The following PDE4B variants were observed in gnomAD, a reference collection of about 807,000 sequenced individuals.
PDE4B encodes 3',5'-cyclic-AMP phosphodiesterase 4B.
In PDE4B, 20 loss-of-function variants were observed where a neutral mutation model predicts 82.2. The observed-to-expected ratio is 0.24, with a 90% CI of 0.17 to 0.35. PDE4B has a LOEUF of 0.35. PDE4B is among the 10% of genes least tolerant of loss of function. The probability of loss-of-function intolerance (pLI) is 1.00; values close to 1 mark genes in which losing one functional copy is unlikely to be tolerated. For synonymous variants in PDE4B, 320 were observed against 318.9 expected (o/e 1.00, Z -0.04); for missense variants, 655 against 907.2 (o/e 0.72, Z 3.57).
chr1:66,174,144 T>C (rs987408430), intron 3 of PDE4B, among the ~76,000 whole-genome samples: 1 of 152,182 alleles, frequency 6.6e-6, no homozygotes, highest in Non-Finnish European at 1.5e-5. Flanking sequence ...CAGCTAATGG[T>C]GAATTCAGGT....
intron 1 of PDE4B, among the ~76,000 whole-genome samples, chr1:65,880,024 A>G (rs187334657): frequency 5.3e-4 from 81 of 152,316 alleles, no homozygotes; most frequent in Admixed American, 4.6e-3. Flanking sequence ...ATTAATATGC[A>G]TCATGGTTAC....
chr1:65,885,177 G>T (rs1275932602), intron 1 of PDE4B, among the ~76,000 whole-genome samples: 2 of 152,150 alleles, frequency 1.3e-5, no homozygotes, highest in African/African-American at 4.8e-5. Flanking sequence ...TCTCACACCA[G>T]TTAGAATGGT....
intron 3 of PDE4B, among the ~76,000 whole-genome samples, chr1:66,111,414 T>G (rs1373727740): frequency 2.0e-5 from 3 of 152,192 alleles, no homozygotes; most frequent in South Asian, 4.1e-4. Flanking sequence ...TAAACAATAA[T>G]TCCACATTTC....
chr1:66,018,456 G>A (rs1189340256), intron 3 of PDE4B, among the ~76,000 whole-genome samples: 1 of 152,030 alleles, frequency 6.6e-6, no homozygotes, highest in Non-Finnish European at 1.5e-5. Flanking sequence ...AAAAGAGTAT[G>A]TGGTTTTGAC....
chr1:65,910,029 G>A (rs917107028), intron 1 of PDE4B, among the ~76,000 whole-genome samples: 1 of 152,214 alleles, frequency 6.6e-6, no homozygotes, highest in African/African-American at 2.4e-5. Flanking sequence ...GAACAAGAAT[G>A]TTCTGGTCTT....
chr1:66,373,065 T>C lies in PDE4B; in HGVS notation c.*387T>C, dbSNP rs1033796675. 1 of 175,474 alleles carries C rather than the reference T, an allele frequency of 5.7e-6. No homozygotes were observed. Among genetic ancestry groups the C allele is most frequent in the Non-Finnish European group, 1.2e-5 (1 of 81,298 alleles). The allele number at this position is 175,474 out of a possible 1,614,324, so 10.9% of individuals were successfully genotyped here. Reference sequence around the variant, plus strand: ...GAATCTTCTCACTTGTCCCTTTGTCTGCCAACCTGTGTGCCTTTTTTGTAA... The same window carrying C: ...GAATCTTCTCACTTGTCCCTTTGTCCGCCAACCTGTGTGCCTTTTTTGTAA... On this transcript the variant is annotated 3_prime_UTR_variant, in exon 17 of 17. Transcript: ENST00000341517.
intron 7 of PDE4B, among the ~76,000 whole-genome samples, chr1:66,330,386 C>T (rs1259994050): frequency 6.6e-6 from 1 of 151,918 alleles, no homozygotes; most frequent in Non-Finnish European, 1.5e-5. Context: ...CTTTTTTGTA[C>T]TTCTGCGGGT....
At chr1:65,803,532 A>T (rs1433435139) in intron 1 of PDE4B, among the ~76,000 whole-genome samples, 1 of 152,188 alleles carries the variant, frequency 6.6e-6, no homozygotes, top group South Asian at 2.1e-4. Context: ...GGTAAACCTC[A>T]CTGTGAGGGG....
At chr1:66,336,841 G>A (rs1660560103) in intron 8 of PDE4B, among the ~76,000 whole-genome samples, 1 of 152,202 alleles carries the variant, frequency 6.6e-6, no homozygotes, top group African/African-American at 2.4e-5. Context: ...CCATACTACA[G>A]TACTAAACAT....
At chr1:66,097,933 C>T (rs1645149739) in intron 3 of PDE4B, among the ~76,000 whole-genome samples, 1 of 148,622 alleles carries the variant, frequency 6.7e-6, no homozygotes, top group Admixed American at 6.7e-5. Context: ...CTTTTTGAAT[C>T]AGTTTGATCC....
At chr1:65,979,703 A>G (rs1650587535) in intron 3 of PDE4B, among the ~76,000 whole-genome samples, 1 of 152,196 alleles carries the variant, frequency 6.6e-6, no homozygotes, top group Admixed American at 6.6e-5. Context: ...GGGACCCTGG[A>G]GTGAAAGCGC....
intron 3 of PDE4B, among the ~76,000 whole-genome samples, chr1:66,246,874 T>C (rs1274527175): frequency 6.6e-6 from 1 of 152,318 alleles, no homozygotes; most frequent in South Asian, 2.1e-4. Context: ...GTGGTTAAAT[T>C]TGCAGATGAA....
chr1:65,886,852 C>G (rs1472696317), intron 1 of PDE4B, among the ~76,000 whole-genome samples: 1 of 152,116 alleles, frequency 6.6e-6, no homozygotes, highest in Non-Finnish European at 1.5e-5. Context: ...TGCAGCATCC[C>G]TTTTATACAC....
intron 3 of PDE4B, among the ~76,000 whole-genome samples, chr1:65,946,744 G>A (rs1159696172): frequency 1.3e-5 from 2 of 151,974 alleles, no homozygotes; most frequent in Non-Finnish European, 2.9e-5. Flanking sequence ...GCAAGCAAGA[G>A]TCCTGGACCT....
At chr1:66,249,110 T>C (rs996631471) in intron 4 of PDE4B, among the ~76,000 whole-genome samples, 2 of 152,220 alleles carry the variant, frequency 1.3e-5, no homozygotes, top group Non-Finnish European at 2.9e-5. Context: ...AGTAGAGGTG[T>C]CCAAGGCTGC....
chr1:65,894,337 A>G (rs572521561), intron 1 of PDE4B, among the ~76,000 whole-genome samples: 7 of 152,166 alleles, frequency 4.6e-5, no homozygotes, highest in Non-Finnish European at 8.8e-5. Flanking sequence ...TGGATGTTAT[A>G]TGGGAAAATT....
chr1:66,315,109 G>A (rs1658939755), intron 7 of PDE4B, among the ~76,000 whole-genome samples: 1 of 152,156 alleles, frequency 6.6e-6, no homozygotes, highest in South Asian at 2.1e-4. Context: ...CACTTGTTCT[G>A]TCATCTATAA....
At chr1:65,943,735 T>A (rs1226065092) in intron 3 of PDE4B, among the ~76,000 whole-genome samples, 1 of 152,006 alleles carries the variant, frequency 6.6e-6, no homozygotes, top group African/African-American at 2.4e-5. Flanking sequence ...TATTTCTAAG[T>A]AATATTTTTG....
intron 3 of PDE4B, among the ~76,000 whole-genome samples, chr1:66,033,768 T>TTTTC (rs201899389): frequency 1.9e-4 from 17 of 90,612 alleles, no homozygotes; most frequent in East Asian, 8.2e-4. Flanking sequence ...CTCCTTTTAC[T>TTTTC]TTTCTTTCTT....
Sources: allele counts gnomAD v4.1 joint callset (sites outside exome capture counted in the v4.1 genomes callset), GRCh38; gene constraint gnomAD v4.1.1; transcripts MANE v1.5; gene names NCBI Gene and HGNC (gene_info 2026-07-23, HGNC 2026-07-21).